Variants in UST observed in about 807,000 individuals in gnomAD.
UST encodes uronyl 2-sulfotransferase.
In UST, 21 loss-of-function variants were observed where a neutral mutation model predicts 45.6. The observed-to-expected ratio is 0.46, with a 90% confidence interval of 0.33 to 0.66. The LOEUF (loss-of-function observed/expected upper bound fraction) is 0.66, where lower values mean the gene tolerates loss of function less well. Ranked by LOEUF, UST falls within the 30% of genes least tolerant of loss-of-function variation. The pLI, the probability that UST is intolerant of heterozygous loss-of-function variation, is 0.02. For synonymous variants in UST, 215 were observed against 200.6 expected (o/e 1.07, Z -0.61); for missense variants, 463 against 512.4 (o/e 0.90, Z 0.93).
At chr6:148,783,828 A>G (rs138199714) in intron 1 of UST, among the ~76,000 whole-genome samples, 1 of 152,138 alleles carries the variant, frequency 6.6e-6, no homozygotes, top group Non-Finnish European at 1.5e-5. Flanking sequence ...TGCAGTGGGA[A>G]TTTTCTGTCC....
chr6:148,859,246 T>TG (rs1402453022), intron 1 of UST, among the ~76,000 whole-genome samples: 1 of 152,256 alleles, frequency 6.6e-6, no homozygotes, highest in East Asian at 1.9e-4. Flanking sequence ...TGGCCAGTGA[T>TG]GATGAGGATA....
In UST at chr6:148,748,399, T is replaced by TTG. The variant is rs34342100; in HGVS notation, c.247+775_247+776dup. Among the ~76,000 whole-genome samples the TTG allele has an allele frequency of 0.057, 7,238 of 127,362 alleles. 210 individuals are homozygous for TTG. The highest frequency in any genetic ancestry group is 0.067 in the Non-Finnish European group (4,081 of 60,798). The allele number at this position is 127,362 out of a possible 152,430, so 83.6% of individuals were successfully genotyped here. A position where few individuals can be genotyped will look rare whatever the true frequency, so the allele number is the denominator to read the frequency against. ...GTGCGTCTCAAGCTCAAGTCAAAAC[T>TTG]TGTGTGTGTGTGTGTGTGTGTGTGT... On this transcript the variant is annotated intron_variant, in intron 1 of 7. Coordinates refer to ENST00000367463, the MANE Select transcript of UST (RefSeq NM_005715.3). This position sits in a 1 kb window ranked among gnomAD's most constrained non-coding sequence, Gnocchi z 5.3.
intron 1 of UST, among the ~76,000 whole-genome samples, chr6:148,873,964 A>G (rs1778604363): frequency 6.6e-6 from 1 of 152,266 alleles, no homozygotes; most frequent in Non-Finnish European, 1.5e-5. Flanking sequence ...GGAAAGTGTC[A>G]ATCGTTGTGG....
intron 7 of UST, among the ~76,000 whole-genome samples, chr6:149,035,320 G>A (rs549000332): frequency 2.0e-4 from 31 of 152,244 alleles, no homozygotes; most frequent in Middle Eastern, 3.4e-3. Context: ...TGGTTTAAGC[G>A]TTTTCATTTA....
At chr6:149,061,382 G>A (rs1776653267) in intron 7 of UST, among the ~76,000 whole-genome samples, 1 of 152,206 alleles carries the variant, frequency 6.6e-6, no homozygotes, top group African/African-American at 2.4e-5. Context: ...TGCAGCAGAG[G>A]TAGAGAAGCT....
At position 148,760,491 on chromosome 6, in the gene UST, T is replaced by TA. The variant is rs1001773038; in HGVS notation, c.247+12815dup. ...CTTCTGGAAGCTATATAGGCTTGTC[T>TA]ATTGGACTTTATAGTCTTCAAATAA... On this transcript the variant is annotated intron_variant, in intron 1 of 7. Transcript: ENST00000367463. 5.3e-5 allele frequency among the ~76,000 whole-genome samples: 8 copies of TA among 152,346 alleles called. No homozygotes were observed. The East Asian group carries it at 1.5e-3, about 29-fold the overall frequency.
At chr6:148,996,494 C>T (rs1203920595) in intron 5 of UST, among the ~76,000 whole-genome samples, 1 of 152,240 alleles carries the variant, frequency 6.6e-6, no homozygotes, top group Non-Finnish European at 1.5e-5. Flanking sequence ...GCTGGGATTA[C>T]AGGCACAAGC....
At chr6:148,863,970 C>T (rs1778372085) in intron 1 of UST, among the ~76,000 whole-genome samples, 1 of 152,210 alleles carries the variant, frequency 6.6e-6, no homozygotes, top group Admixed American at 6.5e-5. Context: ...CTTAAGGAGG[C>T]AGTCTGTCTG....
intron 7 of UST, among the ~76,000 whole-genome samples, chr6:149,052,795 G>A (rs1196022811): frequency 1.3e-5 from 2 of 152,100 alleles, no homozygotes; most frequent in South Asian, 2.1e-4. Flanking sequence ...TTATTTTTTT[G>A]TTGGTGGGGG....
intron 1 of UST, among the ~76,000 whole-genome samples, chr6:148,750,842 A>G (rs1775975686): frequency 6.6e-6 from 1 of 152,234 alleles, no homozygotes; most frequent in Non-Finnish European, 1.5e-5. Flanking sequence ...TGAGCTGGAC[A>G]ACAACTGGGA....
chr6:148,865,999 ATG>A (rs1778421403), intron 1 of UST, among the ~76,000 whole-genome samples: 1 of 152,054 alleles, frequency 6.6e-6, no homozygotes. Context: ...TTTAGAATAT[ATG>A]TGTGTGTATG....
intron 1 of UST, among the ~76,000 whole-genome samples, chr6:148,792,075 G>A (rs1445242042): frequency 6.6e-6 from 1 of 152,130 alleles, no homozygotes; most frequent in Non-Finnish European, 1.5e-5. Context: ...GAGAAGAGGG[G>A]ACGAGAGCCT....
At chr6:149,055,765 G>C (rs1348399165) in intron 7 of UST, among the ~76,000 whole-genome samples, 1 of 152,184 alleles carries the variant, frequency 6.6e-6, no homozygotes, top group African/African-American at 2.4e-5. Context: ...TTAATGGTCA[G>C]TGCATTGCAC....
At chr6:148,767,723 T>A (rs961988246) in intron 1 of UST, among the ~76,000 whole-genome samples, 8 of 152,226 alleles carry the variant, frequency 5.3e-5, no homozygotes, top group African/African-American at 1.9e-4. Context: ...TGTAAAATAC[T>A]GGGATACAGG....
At chr6:148,774,546 A>G (rs1776494314) in intron 1 of UST, among the ~76,000 whole-genome samples, 2 of 152,182 alleles carry the variant, frequency 1.3e-5, no homozygotes, top group Admixed American at 6.5e-5. Context: ...TACTTTACCT[A>G]CATAGTTTTG....
intron 1 of UST, among the ~76,000 whole-genome samples, chr6:148,869,450 A>T (rs967733381): frequency 6.6e-6 from 1 of 152,228 alleles, no homozygotes; most frequent in Non-Finnish European, 1.5e-5. Context: ...TGTGAGGATT[A>T]CCTTTCCAAA....
intron 1 of UST, among the ~76,000 whole-genome samples, chr6:148,775,603 A>G (rs1776516080): frequency 1.3e-5 from 2 of 151,454 alleles, no homozygotes; most frequent in African/African-American, 2.4e-5. Flanking sequence ...GTTTTAGTTG[A>G]TTGTAACTCT....
intron 1 of UST, among the ~76,000 whole-genome samples, chr6:148,877,780 G>A (rs1452627097): frequency 1.4e-5 from 2 of 143,486 alleles, no homozygotes; most frequent in Admixed American, 6.8e-5. Flanking sequence ...GAATGAGTGC[G>A]GGGTTGGGTA....
Position 148,946,842 on chromosome 6 carries a change from AG to A in UST, c.447+5410del, listed in dbSNP as rs1424041752. ...AAAAAAAAAAAAAAAAAAAAAAAAA[AG>A]GTGCACTCATTCATTTTTACAGCAG... On this transcript the variant is annotated intron_variant, in intron 3 of 7. Transcript: ENST00000367463. Among the ~76,000 whole-genome samples the A allele has an allele frequency of 2.2e-5, 3 of 137,134 alleles. No individual in the cohort carries two copies. In the East Asian group the frequency reaches 6.7e-4, roughly 30 times the overall value. 90.0% of individuals were successfully genotyped at this position (137,134 alleles called of 152,430 possible).
Sources: gnomAD v4.1 joint callset for allele counts (sites outside exome capture counted in the v4.1 genomes callset) on GRCh38, gnomAD v4.1.1 for gene constraint, Gnocchi (gnomAD v3.1) non-coding constraint, MANE v1.5 for transcripts, NCBI Gene and HGNC (gene_info 2026-07-23, HGNC 2026-07-21) for gene names.